NRXN2: variants seen among roughly 807,000 people sequenced by gnomAD.
NRXN2 encodes neurexin-2-beta.
A neutral mutation model predicts 128.8 loss-of-function variants in NRXN2; 29 were observed. The ratio of observed to expected loss-of-function variants is 0.23; its 90% CI spans 0.17 to 0.31. The LOEUF is 0.31. NRXN2 is among the 10% of genes least tolerant of loss of function. NRXN2 has a pLI of 1.00. For synonymous variants in NRXN2, 1,098 were observed against 1,075.2 expected, an observed-to-expected ratio of 1.02 and a Z score of -0.41; for missense variants, 1,881 against 2,452.6, an observed-to-expected ratio of 0.77 and a Z score of 4.92.
At chr11:64,690,868 G>A (rs2053713932) in intron 4 of NRXN2, among the ~76,000 whole-genome samples, 1 of 152,012 alleles carries the variant, frequency 6.6e-6, no homozygotes, top group Non-Finnish European at 1.5e-5. Context: ...CCTCCTCCAT[G>A]AGGCACATTC....
chr11:64,610,743 G>A (rs1004158692), intron 22 of NRXN2, among the ~76,000 whole-genome samples: 1 of 152,140 alleles, frequency 6.6e-6, no homozygotes, highest in Non-Finnish European at 1.5e-5. Flanking sequence ...CAGCACCCTG[G>A]TCTCCAGGTA....
intron 17 of NRXN2, among the ~76,000 whole-genome samples, chr11:64,640,921 G>C (rs780385801): frequency 5.9e-5 from 9 of 152,038 alleles, no homozygotes; most frequent in Non-Finnish European, 1.3e-4. Flanking sequence ...AGATGGGAAG[G>C]GTGAAAATAC....
chr11:64,716,982 C>T (rs1340370188), intron 1 of NRXN2, among the ~76,000 whole-genome samples: 3 of 152,124 alleles, frequency 2.0e-5, no homozygotes, highest in African/African-American at 7.2e-5. Flanking sequence ...CCGACCCAGC[C>T]TCCAACCCAC....
At position 64,607,566 on chromosome 11, in the gene NRXN2, G is replaced by C; in HGVS notation, c.4769C>G (p.Pro1590Arg). The C allele has an allele frequency of 6.5e-7, 1 of 1,538,012 alleles. No individual in the cohort carries two copies. Among genetic ancestry groups the C allele is most frequent in the South Asian group, 1.2e-5 (1 of 85,032 alleles). ...LGPGAPTSFE[P>R]RRPPPLRPGV... is the part of the protein sequence containing the mutation. ...GGGGCGCAGGGGAGGGGGCCTCCGC[G>C]GCTCAAAGGACGTGGGGGCCCCGGG... Residue 1590 changes from proline to arginine, a missense_variant, in exon 23 of 23, where the codon CCG becomes CGG. Coordinates refer to ENST00000265459, the MANE Select transcript of NRXN2 (RefSeq NM_015080.4).
chr11:64,694,050 C>T (rs2054178862), intron 3 of NRXN2, among the ~76,000 whole-genome samples: 2 of 152,192 alleles, frequency 1.3e-5, no homozygotes, highest in South Asian at 4.1e-4. Flanking sequence ...ATCTGGCCCA[C>T]TGGATCAGTA....
rs558277045 is a variant in NRXN2 at position 64,674,215 on chromosome 11, A to G, written c.1197+2778T>C. The stretch of plus-strand genomic sequence containing the variant: ...TTTGTTTTGTTTTGTTTGGAGATGG[A>G]GTTTCACTCTTGTTGCCCAGGCTGG... On this transcript the variant is annotated intron_variant, in intron 7 of 22. Transcript: ENST00000265459. Among the ~76,000 whole-genome samples, 3 of 150,872 alleles carry G rather than the reference A, an allele frequency of 2.0e-5. No homozygotes were observed. In the East Asian group the frequency reaches 5.9e-4, roughly 30 times the overall value.
At chr11:64,642,980 G>A (rs1306681809) in intron 17 of NRXN2, 8 of 1,013,908 alleles carry the variant, frequency 7.9e-6, no homozygotes, top group Admixed American at 1.2e-4. Flanking sequence ...GGATCCCGCC[G>A]GGAAATCGGG....
intron 2 of NRXN2, among the ~76,000 whole-genome samples, chr11:64,701,560 G>A (rs2055360338): frequency 6.6e-6 from 1 of 152,056 alleles, no homozygotes; most frequent in African/African-American, 2.4e-5. Context: ...GCAACATAGG[G>A]AGACCCGTCT....
chr11:64,608,494 C>CTTTTTTTTTTTTTTTTTGTTT (rs2040087931), intron 22 of NRXN2, among the ~76,000 whole-genome samples: 1 of 111,180 alleles, frequency 9.0e-6, no homozygotes, highest in Non-Finnish European at 2.0e-5. Flanking sequence ...TCTTTTTTTG[C>CTTTTTTTTTTTTTTTTTGTTT]TTTTTTTTTT....
intron 6 of NRXN2, among the ~76,000 whole-genome samples, chr11:64,684,414 C>T (rs568344579): frequency 5.3e-4 from 81 of 152,260 alleles, no homozygotes; most frequent in Admixed American, 1.1e-3. Flanking sequence ...CCACCAAGCA[C>T]GTCACTCTGT....
At chr11:64,722,178 T>G (rs2057450290) in intron 1 of NRXN2, among the ~76,000 whole-genome samples, 1 of 151,942 alleles carries the variant, frequency 6.6e-6, no homozygotes, top group South Asian at 2.1e-4. Context: ...CCAAGGGCCC[T>G]GCAGCTTCCT....
At chr11:64,609,722 A>G (rs898209585) in intron 22 of NRXN2, among the ~76,000 whole-genome samples, 1 of 152,032 alleles carries the variant, frequency 6.6e-6, no homozygotes, top group African/African-American at 2.4e-5. Flanking sequence ...TGGTGGGAGG[A>G]CTTGCTCCTC....
chr11:64,718,516 C>T (rs2057356070), intron 1 of NRXN2, among the ~76,000 whole-genome samples: 1 of 152,172 alleles, frequency 6.6e-6, no homozygotes, highest in African/African-American at 2.4e-5. Flanking sequence ...GAGATTCTGG[C>T]TCAGGCTAAA....
At chr11:64,644,114 T>C (rs1410411485) in intron 17 of NRXN2, among the ~76,000 whole-genome samples, 1 of 151,914 alleles carries the variant, frequency 6.6e-6, no homozygotes, top group Admixed American at 6.6e-5. Flanking sequence ...CAGGGGAGCA[T>C]ATACACATGC....
chr11:64,630,122 C>G lies in NRXN2; in HGVS notation c.3757+280G>C, dbSNP rs1565226179. On this transcript the variant is annotated intron_variant, in intron 19 of 22. Transcript: ENST00000265459. The surrounding 1 kb of genome is among the most constrained non-coding windows in gnomAD (Gnocchi z 4.6). ...TTCTCCCCCCACCCCCAAACTGGACCCTGGCCTTGCAACCTTCCCAGCTCA... is the reference window on the plus strand; with the variant it reads ...TTCTCCCCCCACCCCCAAACTGGACGCTGGCCTTGCAACCTTCCCAGCTCA... Among the ~76,000 whole-genome samples the G allele has an allele frequency of 6.6e-6, 1 of 151,906 alleles. No homozygotes were observed. The highest frequency in any genetic ancestry group is 1.5e-5 in the Non-Finnish European group (1 of 67,920).
chr11:64,654,097 GTC>G (rs1376250150), intron 11 of NRXN2, among the ~76,000 whole-genome samples: 1 of 151,910 alleles, frequency 6.6e-6, no homozygotes, highest in Non-Finnish European at 1.5e-5. Flanking sequence ...CATCTCCCCT[GTC>G]TCTGGGAGGG....
intron 6 of NRXN2, among the ~76,000 whole-genome samples, chr11:64,683,592 C>G (rs1258742650): frequency 6.8e-6 from 1 of 147,760 alleles, no homozygotes; most frequent in African/African-American, 2.5e-5. Context: ...TGCACTCCAG[C>G]TTGGGCAACA....
At chr11:64,682,053 G>A (rs768012658) in intron 6 of NRXN2, among the ~76,000 whole-genome samples, 4 of 151,244 alleles carry the variant, frequency 2.6e-5, no homozygotes, top group African/African-American at 7.3e-5. Context: ...CTCCATCTTT[G>A]GGGGGCTACA....
chr11:64,694,220 G>A (rs975319657), intron 3 of NRXN2, among the ~76,000 whole-genome samples: 2 of 152,184 alleles, frequency 1.3e-5, no homozygotes, highest in Admixed American at 6.5e-5. Flanking sequence ...CCCCTGTGGT[G>A]TCTGGCCAAG....
Sources: allele counts gnomAD v4.1 joint callset (sites outside exome capture counted in the v4.1 genomes callset), GRCh38; gene constraint gnomAD v4.1.1; non-coding constraint Gnocchi (gnomAD v3.1); transcripts MANE v1.5; gene names NCBI Gene and HGNC (gene_info 2026-07-23, HGNC 2026-07-21).